The following TAFA2 variants were observed in gnomAD, a reference collection of about 807,000 sequenced individuals.
The protein encoded by TAFA2 is TAFA chemokine like family member 2.
TAFA2 carries 7 observed loss-of-function variants against 18.8 expected under a neutral mutation model. The observed-to-expected ratio is 0.37, with a 90% confidence interval of 0.21 to 0.70. The LOEUF is 0.70. Ranked by LOEUF, TAFA2 falls within the 30% of genes least tolerant of loss-of-function variation. TAFA2 has a pLI of 0.53. For synonymous variants in TAFA2, 60 were observed against 54.2 expected (o/e 1.11, Z -0.47); for missense variants, 122 against 158.1 (o/e 0.77, Z 1.23).
At chr12:61,797,025 A>G (rs571654517) in intron 2 of TAFA2, among the ~76,000 whole-genome samples, 2 of 152,332 alleles carry the variant, frequency 1.3e-5, no homozygotes, top group South Asian at 4.1e-4. Flanking sequence ...TTACAGAGAG[A>G]ACAGCTGTAA....
intron 1 of TAFA2, among the ~76,000 whole-genome samples, chr12:61,963,168 C>G (rs892758849): frequency 3.9e-5 from 6 of 151,918 alleles, no homozygotes; most frequent in Non-Finnish European, 7.4e-5. Context: ...CTATTGTGAA[C>G]AGTGCTGCAA....
At chr12:62,012,912 A>G (rs1880817951) in intron 1 of TAFA2, among the ~76,000 whole-genome samples, 1 of 152,226 alleles carries the variant, frequency 6.6e-6, no homozygotes. Context: ...TGCTACAGAC[A>G]AAATTGCCCT....
At chr12:61,967,848 G>A (rs919753752) in intron 1 of TAFA2, among the ~76,000 whole-genome samples, 5 of 151,806 alleles carry the variant, frequency 3.3e-5, no homozygotes, top group Admixed American at 2.0e-4. Flanking sequence ...TGTCATCCAT[G>A]CTCCAATAAA....
chr12:61,871,883 G>C (rs1283727931), intron 1 of TAFA2, among the ~76,000 whole-genome samples: 1 of 152,098 alleles, frequency 6.6e-6, no homozygotes, highest in Admixed American at 6.6e-5. Context: ...ACAAGGTCAG[G>C]AGATCGAGAC....
At chr12:62,038,659 T>C (rs1387280790) in intron 1 of TAFA2, among the ~76,000 whole-genome samples, 1 of 151,990 alleles carries the variant, frequency 6.6e-6, no homozygotes, top group Non-Finnish European at 1.5e-5. Flanking sequence ...TGCAATAAAA[T>C]TTTTTAAAGA....
chr12:61,830,768 A>C (rs143747428), intron 2 of TAFA2, among the ~76,000 whole-genome samples: 337 of 152,224 alleles, frequency 2.2e-3, no homozygotes, highest in African/African-American at 7.2e-3. Context: ...ATGAAATTTA[A>C]TATTAACTAA....
chr12:61,880,632 T>C, intron 1 of TAFA2: 1 of 398,126 alleles, frequency 2.5e-6, no homozygotes, highest in Non-Finnish European at 4.9e-6. Context: ...CCTCCTCAGC[T>C]ATGGCCTGAG....
chr12:61,902,286 C>CT (rs1250311009), intron 1 of TAFA2, among the ~76,000 whole-genome samples: 1 of 152,084 alleles, frequency 6.6e-6, no homozygotes, highest in Non-Finnish European at 1.5e-5. Flanking sequence ...CTGTCACTAA[C>CT]TTTAAAATAA....
At chr12:61,719,922 T>G (rs1869822407) in intron 4 of TAFA2, among the ~76,000 whole-genome samples, 1 of 152,204 alleles carries the variant, frequency 6.6e-6, no homozygotes, top group South Asian at 2.1e-4. Context: ...GATCATTCTA[T>G]ATGTGGTAAA....
chr12:62,033,307 G>A (rs1277614710), intron 1 of TAFA2, among the ~76,000 whole-genome samples: 1 of 152,052 alleles, frequency 6.6e-6, no homozygotes, highest in Non-Finnish European at 1.5e-5. Context: ...ATGAACTAAG[G>A]AATTCCCAAA....
rs565825068 is a variant in TAFA2, at chr12:62,015,811, C to T, written c.-1-148385G>A. ...TAGGCCTCAATTTAAACAAGTAAAT[C>T]ATGGAGTTATAAAGCTGAGACATGA... On this transcript the variant is annotated intron_variant, in intron 1 of 4. Transcript: ENST00000416284. Among the ~76,000 whole-genome samples, 4 of 152,240 alleles carry T rather than the reference C, an allele frequency of 2.6e-5. No individual in the cohort carries two copies. In the South Asian group the frequency reaches 8.3e-4, roughly 32 times the overall value.
intron 1 of TAFA2, among the ~76,000 whole-genome samples, chr12:62,045,076 A>G (rs1396952148): frequency 2.0e-5 from 3 of 152,134 alleles, no homozygotes; most frequent in Non-Finnish European, 4.4e-5. Flanking sequence ...TTATGGAGAA[A>G]CCTAACTAGC....
At chr12:61,989,372 T>TC (rs1291941618) in intron 1 of TAFA2, among the ~76,000 whole-genome samples, 1 of 150,552 alleles carries the variant, frequency 6.6e-6, no homozygotes, top group African/African-American at 2.4e-5. Flanking sequence ...GAAAAGCTGG[T>TC]CCCCCCCACT....
chr12:62,172,529 G>C (rs1259966626), intron 1 of TAFA2, among the ~76,000 whole-genome samples: 1 of 152,218 alleles, frequency 6.6e-6, no homozygotes, highest in African/African-American at 2.4e-5. Context: ...CAGTTGATTA[G>C]AAGAAATGAA....
chr12:62,166,557 C>T (rs1044194765), intron 1 of TAFA2, among the ~76,000 whole-genome samples: 11 of 152,086 alleles, frequency 7.2e-5, no homozygotes, highest in Non-Finnish European at 1.5e-4. Flanking sequence ...TTTTTCTCAT[C>T]TTTTTCCCTT....
intron 4 of TAFA2, among the ~76,000 whole-genome samples, chr12:61,735,738 T>C (rs1868293459): frequency 6.6e-6 from 1 of 151,876 alleles, no homozygotes; most frequent in Non-Finnish European, 1.5e-5. Flanking sequence ...ATGTTTGTCT[T>C]AGTGCAGCAG....
intron 1 of TAFA2, chr12:62,235,153 G>A: frequency 1.5e-6 from 1 of 661,136 alleles, no homozygotes; most frequent in Non-Finnish European, 2.9e-6. Context: ...ATCATCTCTT[G>A]CTGAGGGGGA....
intron 4 of TAFA2, among the ~76,000 whole-genome samples, chr12:61,732,057 T>C (rs1231809502): frequency 6.6e-6 from 1 of 151,972 alleles, no homozygotes. Flanking sequence ...AAGAATTAAG[T>C]CGAGAGAAAG....
chr12:62,099,994 G>A (rs1869120313), intron 1 of TAFA2, among the ~76,000 whole-genome samples: 1 of 152,034 alleles, frequency 6.6e-6, no homozygotes, highest in Non-Finnish European at 1.5e-5. Flanking sequence ...AATATTGAAT[G>A]TATTTTCTCA....
Sources: gnomAD v4.1 joint callset for allele counts (sites outside exome capture counted in the v4.1 genomes callset) on GRCh38, gnomAD v4.1.1 for gene constraint, MANE v1.5 for transcripts, NCBI Gene and HGNC (gene_info 2026-07-23, HGNC 2026-07-21) for gene names.